Variants in LSM7 observed in about 807,000 individuals in gnomAD.
The protein encoded by LSM7 is U6 snRNA-associated Sm-like protein LSm7.
A neutral mutation model predicts 14.1 loss-of-function variants in LSM7; 13 were observed. That is an observed-to-expected ratio of 0.92 (90% CI 0.60 to 1.47). LSM7 has a LOEUF of 1.47. LSM7 is among the 40% of genes most tolerant of loss of function. LSM7 has a pLI of 0.00. For synonymous variants in LSM7, 70 were observed against 57.1 expected (o/e 1.23, Z -1.02); for missense variants, 108 against 140.8 (o/e 0.77, Z 1.18).
Position 2,324,209 on chromosome 19 carries a change from A to G in LSM7, c.98-13T>C, listed in dbSNP as rs535372774. 72 of 1,565,246 alleles carry G rather than the reference A, an allele frequency of 4.6e-5. No individual in the cohort carries two copies. The South Asian group carries it at 8.2e-4, about 18-fold the overall frequency. ...AGGATTCCACTGGCTTGGAGAAATC[A>G]CCGGGGGAGAGAAAAGAGAAGGCAT... On this transcript the variant is annotated splice_polypyrimidine_tract_variant and intron_variant, in intron 2 of 3. Transcript: ENST00000252622.
chr19:2,328,262 T>C, intron 2 of LSM7, 125 bp downstream of exon 2: 1 of 829,312 alleles, frequency 1.2e-6, no homozygotes, highest in Non-Finnish European at 1.8e-6. Flanking sequence ...AGAGCGAGAC[T>C]GCGTCTCAAA....
intron 2 of LSM7, among the ~76,000 whole-genome samples, chr19:2,325,346 C>T (rs1243896710): frequency 1.3e-5 from 2 of 151,812 alleles, no homozygotes; most frequent in Non-Finnish European, 2.9e-5. Context: ...GCAGCCGAGG[C>T]CCAGCAGCAG....
In LSM7 at chr19:2,321,745, G is replaced by T; in HGVS notation, c.247C>A (p.Leu83Ile). The part of the protein sequence containing the change: ...LVVCRGTSVV[L>I]ICPQDGMEAI... ...TCCATGCCGTCCTGCGGGCAGATTA[G>T]CACCACGGACGTGCCCCGGCACACC... is the stretch of plus-strand genomic sequence containing the variant. Residue 83 changes from leucine to isoleucine, a missense_variant, in exon 4 of 4, where the codon CTA becomes ATA. Coordinates refer to ENST00000252622, the MANE Select transcript of LSM7 (RefSeq NM_016199.3). The surrounding 1 kb of genome is among the most constrained non-coding windows in gnomAD (Gnocchi z 5.0). 6.4e-7 allele frequency: 1 copy of T among 1,567,626 alleles called. No homozygotes were observed.
chr19:2,321,672 C>G lies in LSM7; in HGVS notation c.*8G>C. The G allele has an allele frequency of 6.7e-7, 1 of 1,502,848 alleles. No individual in the cohort carries two copies. Among genetic ancestry groups the G allele is most frequent in the Non-Finnish European group, 8.9e-7 (1 of 1,125,130 alleles). 93.1% of individuals were successfully genotyped at this position (1,502,848 alleles called of 1,614,324 possible). Reference sequence around the variant, plus strand: ...GCCTGCCCTGCACCCCCCGCGCCCCCGGCCAGGCTAGGCGTCCTGCTGCTG... The same window carrying G: ...GCCTGCCCTGCACCCCCCGCGCCCCGGGCCAGGCTAGGCGTCCTGCTGCTG... On this transcript the variant is annotated 3_prime_UTR_variant, in exon 4 of 4. Coordinates refer to ENST00000252622, the MANE Select transcript of LSM7 (RefSeq NM_016199.3). The surrounding 1 kb of genome is among the most constrained non-coding windows in gnomAD (Gnocchi z 5.0).
At chr19:2,328,142 A>G in intron 2 of LSM7, 1 of 466,632 alleles carries the variant, frequency 2.1e-6, no homozygotes, top group Non-Finnish European at 3.8e-6. Context: ...GCGTGGTGGT[A>G]CACATTAATT....
intron 3 of LSM7, among the ~76,000 whole-genome samples, chr19:2,323,172 C>A (rs747540917): frequency 6.6e-6 from 1 of 152,126 alleles, no homozygotes; most frequent in Non-Finnish European, 1.5e-5. Flanking sequence ...GAGGACTTGG[C>A]GGCCTCACTG....
At chr19:2,322,654 A>T (rs1967952039) in intron 3 of LSM7, among the ~76,000 whole-genome samples, 1 of 152,208 alleles carries the variant, frequency 6.6e-6, no homozygotes, top group Admixed American at 6.5e-5. Flanking sequence ...AAGGCGATTA[A>T]AACTCCTCAC....
At chr19:2,326,895 G>A (rs1346524394) in intron 2 of LSM7, among the ~76,000 whole-genome samples, 5 of 152,252 alleles carry the variant, frequency 3.3e-5, no homozygotes, top group Non-Finnish European at 7.3e-5. Context: ...AGCTGGCAGC[G>A]TCCGGGAGCT....
rs145468909 is a variant in LSM7, at chr19:2,326,312, T to TTGTGTGTGTGTGTGTGTGTG, written c.97+2055_97+2074dup. On this transcript the variant is annotated intron_variant, in intron 2 of 3. Transcript: ENST00000252622. ...TCAGGGACCAAACCCTTTCTGCTTTTTGTGTGTGTGTGTGTGTGTGTGTGT... is the reference window on the plus strand; with the variant it reads ...TCAGGGACCAAACCCTTTCTGCTTTTTGTGTGTGTGTGTGTGTGTGTGTGTGTGTGTGTGTGTGTGTGTGT... Among the ~76,000 whole-genome samples the TTGTGTGTGTGTGTGTGTGTG allele has an allele frequency of 1.5e-4, 19 of 129,780 alleles. 1 individual carries two copies. The highest frequency in any genetic ancestry group is 6.7e-4 in the East Asian group (3 of 4,492). 85.1% of individuals were successfully genotyped at this position (129,780 alleles called of 152,430 possible). A position where few individuals can be genotyped will look rare whatever the true frequency, so the allele number is the denominator to read the frequency against.
At chr19:2,325,106 G>C (rs1434333545) in intron 2 of LSM7, among the ~76,000 whole-genome samples, 1 of 152,204 alleles carries the variant, frequency 6.6e-6, no homozygotes, top group Non-Finnish European at 1.5e-5. Context: ...GACGGTCTCT[G>C]TGGCTTCTCT....
intron 2 of LSM7, 65 bp from the exon 3 acceptor site, chr19:2,324,261 C>A: frequency 1.5e-6 from 2 of 1,304,650 alleles, no homozygotes; most frequent in African/African-American, 2.9e-5. Flanking sequence ...GCAGGGCCCG[C>A]CCCAGCATGG....
chr19:2,327,600 C>T (rs543159117), intron 2 of LSM7, among the ~76,000 whole-genome samples: 25 of 152,108 alleles, frequency 1.6e-4, no homozygotes, highest in Non-Finnish European at 1.8e-4. Context: ...TGCAGTGGTG[C>T]GGTCATAGCT....
In LSM7 at chr19:2,324,135, C is replaced by T. The variant is rs1015899370; in HGVS notation, c.159G>A (p.Glu53=). ...CGCCACCCCACTCACCTCGCATGTACTCAATGGTGCCGTCCAGCACAAGGT... is the reference window on the plus strand; with the variant it reads ...CGCCACCCCACTCACCTCGCATGTATTCAATGGTGCCGTCCAGCACAAGGT... ...LLNLVLDGTI[E]YMRDPDDQYK... Residue 53 remains glutamate, a synonymous_variant, in exon 3 of 4, where the codon GAG becomes GAA. Coordinates refer to ENST00000252622, the MANE Select transcript of LSM7 (RefSeq NM_016199.3). 1.9e-6 allele frequency: 3 copies of T among 1,562,270 alleles called. No individual in the cohort carries two copies. The highest frequency in any genetic ancestry group is 2.6e-6 in the Non-Finnish European group (3 of 1,153,468).
intron 2 of LSM7, chr19:2,326,258 G>A (rs1199268306): frequency 1.3e-5 from 2 of 152,034 alleles, no homozygotes; most frequent in East Asian, 1.9e-4. Context: ...AAACACCCTG[G>A]GTGGGCCTGA....
rs1409587568 is a variant in LSM7 at position 2,323,288 on chromosome 19, G to A, written c.169+837C>T. Among the ~76,000 whole-genome samples, 9 of 152,262 alleles carry A rather than the reference G, an allele frequency of 5.9e-5. No homozygotes were observed. The South Asian group carries it at 1.9e-3, about 32-fold the overall frequency. ...TTAACAAGGGCAGAAGAGGAAAGGC[G>A]CCCGAGAGGAGCCCCACGGCACGCT... On this transcript the variant is annotated intron_variant, in intron 3 of 3. Transcript: ENST00000252622.
At chr19:2,324,398 G>C in intron 2 of LSM7, 4 of 571,470 alleles carry the variant, frequency 7.0e-6, no homozygotes, top group Non-Finnish European at 1.3e-5. Flanking sequence ...TCTGCGGGGG[G>C]CCAGATGGCA....
chr19:2,322,287 C>T (rs1039700640), intron 3 of LSM7, among the ~76,000 whole-genome samples: 8 of 152,208 alleles, frequency 5.3e-5, no homozygotes, highest in African/African-American at 1.9e-4. Context: ...CGCCTGTAAT[C>T]CCAGCACTTT....
intron 2 of LSM7, chr19:2,326,191 G>C (rs1968011673): frequency 6.6e-6 from 1 of 152,286 alleles, no homozygotes; most frequent in Non-Finnish European, 1.5e-5. Context: ...CAAAGACAAG[G>C]AACTTTGCAG....
chr19:2,323,541 C>T (rs2145121461), intron 3 of LSM7, among the ~76,000 whole-genome samples: 1 of 152,310 alleles, frequency 6.6e-6, no homozygotes, highest in South Asian at 2.1e-4. Context: ...ACCTCCGCCT[C>T]CCAGGTTCAA....
Sources: allele counts gnomAD v4.1 joint callset (sites outside exome capture counted in the v4.1 genomes callset), GRCh38; gene constraint gnomAD v4.1.1; non-coding constraint Gnocchi (gnomAD v3.1); transcripts MANE v1.5; gene names NCBI Gene and HGNC (gene_info 2026-07-23, HGNC 2026-07-21).